The following WWOX variants were observed in gnomAD, a reference collection of about 807,000 sequenced individuals.
WWOX encodes WW domain-containing oxidoreductase.
In WWOX, 69 loss-of-function variants were observed where a neutral mutation model predicts 46.2. The ratio of observed to expected loss-of-function variants is 1.49; its 90% CI spans 1.23 to 1.82. WWOX has a LOEUF of 1.82. Ranked by LOEUF, WWOX falls within the 40% of genes most tolerant of loss-of-function variation. The pLI is 0.00. For missense variants in WWOX, 919 were observed against 542.6 expected (o/e 1.69, Z -6.89); for synonymous variants, 359 against 202.6 (o/e 1.77, Z -6.56).
At chr16:78,114,953 T>C in intron 3 of WWOX, 23 bp from the exon 4 acceptor site, 13 of 1,614,148 alleles carry the variant, frequency 8.1e-6, no homozygotes, top group Non-Finnish European at 1.1e-5. Context: ...TGCTGTGGGT[T>C]CACTGCTTTC....
chr16:78,984,035 G>T (rs540480198), intron 8 of WWOX, among the ~76,000 whole-genome samples: 1 of 151,170 alleles, frequency 6.6e-6, no homozygotes, highest in East Asian at 2.0e-4. Context: ...CTGCCACCAT[G>T]CCCGGCTATT....
chr16:79,126,394 G>T (rs2049755247), intron 8 of WWOX, among the ~76,000 whole-genome samples: 1 of 152,172 alleles, frequency 6.6e-6, no homozygotes, highest in Admixed American at 6.5e-5. Flanking sequence ...CCAGGTGGAG[G>T]TAATTTGATC....
chr16:78,856,134 G>T (rs569022237), intron 8 of WWOX, among the ~76,000 whole-genome samples: 1 of 152,208 alleles, frequency 6.6e-6, no homozygotes, highest in African/African-American at 2.4e-5. Context: ...AAGGAGTTCA[G>T]GGTTGAAAAG....
intron 8 of WWOX, among the ~76,000 whole-genome samples, chr16:78,878,270 A>G (rs545049119): frequency 6.6e-6 from 1 of 152,280 alleles, no homozygotes; most frequent in East Asian, 1.9e-4. Context: ...CTGAGTTACA[A>G]TAAATAAAAA....
intron 8 of WWOX, among the ~76,000 whole-genome samples, chr16:78,981,199 C>G (rs761404587): frequency 6.6e-6 from 1 of 152,132 alleles, no homozygotes; most frequent in African/African-American, 2.4e-5. Flanking sequence ...GATGTCCTGG[C>G]TGTGTTAGCA....
intron 8 of WWOX, among the ~76,000 whole-genome samples, chr16:78,764,532 C>T (rs2049881644): frequency 7.0e-6 from 1 of 143,562 alleles, no homozygotes; most frequent in African/African-American, 2.6e-5. Context: ...CTGCTTTCTG[C>T]CTCTTGTGTT....
At chr16:78,406,477 T>A (rs1008038386) in intron 6 of WWOX, among the ~76,000 whole-genome samples, 3 of 142,048 alleles carry the variant, frequency 2.1e-5, no homozygotes, top group African/African-American at 7.8e-5. Context: ...CTTAGCCTCC[T>A]GAGTAGCTGG....
intron 8 of WWOX, among the ~76,000 whole-genome samples, chr16:78,795,899 C>T (rs573427494): frequency 6.6e-6 from 1 of 151,822 alleles, no homozygotes; most frequent in Non-Finnish European, 1.5e-5. Flanking sequence ...CAAGTGGAAA[C>T]AAAAGTATAA....
intron 8 of WWOX, among the ~76,000 whole-genome samples, chr16:78,878,022 C>T (rs545061286): frequency 6.6e-6 from 1 of 152,292 alleles, no homozygotes; most frequent in African/African-American, 2.4e-5. Context: ...GGTCCCTTCT[C>T]TTTGCGTCAC....
At chr16:78,411,182 C>T (rs564322148) in intron 6 of WWOX, among the ~76,000 whole-genome samples, 14 of 152,244 alleles carry the variant, frequency 9.2e-5, no homozygotes, top group African/African-American at 3.1e-4. Context: ...GAGGGGATTA[C>T]ACAAAAGTAT....
intron 8 of WWOX, among the ~76,000 whole-genome samples, chr16:78,951,407 C>T (rs901894990): frequency 6.6e-6 from 1 of 152,130 alleles, no homozygotes; most frequent in Non-Finnish European, 1.5e-5. Context: ...ATCATTGAGC[C>T]AATCACCGTC....
intron 8 of WWOX, among the ~76,000 whole-genome samples, chr16:78,490,152 T>C (rs1453599979): frequency 1.4e-5 from 2 of 146,334 alleles, no homozygotes; most frequent in African/African-American, 5.2e-5. Context: ...TTTTTTTTGG[T>C]TGTGGTGGCG....
intron 8 of WWOX, among the ~76,000 whole-genome samples, chr16:78,819,529 G>A (rs974876257): frequency 5.9e-5 from 9 of 152,234 alleles, no homozygotes; most frequent in Non-Finnish European, 1.0e-4. Context: ...AAAAATGGGT[G>A]TAAATGTGAT....
chr16:79,190,733 A>G (rs1273747042), intron 8 of WWOX, among the ~76,000 whole-genome samples: 1 of 151,944 alleles, frequency 6.6e-6, no homozygotes, highest in African/African-American at 2.4e-5. Flanking sequence ...GTTTTTGTAA[A>G]TAAAGTTTTA....
At chr16:79,115,325 C>T (rs1372509555) in intron 8 of WWOX, among the ~76,000 whole-genome samples, 1 of 152,160 alleles carries the variant, frequency 6.6e-6, no homozygotes, top group African/African-American at 2.4e-5. Flanking sequence ...TCATCTCATT[C>T]CAACAAGAAT....
Position 78,521,085 on chromosome 16 carries a change from T to A in WWOX, c.1056+88333T>A, listed in dbSNP as rs559955626. On this transcript the variant is annotated intron_variant, in intron 8 of 8. Coordinates refer to ENST00000566780, the MANE Select transcript of WWOX (RefSeq NM_016373.4). ...TAGAATTGAGTTGATTCTGTTTAAC[T>A]GCCCAGTGAAGAAATGACTTCCTTG... Among the ~76,000 whole-genome samples, 3 of 152,320 alleles carry A rather than the reference T, an allele frequency of 2.0e-5. No individual in the cohort carries two copies. In the East Asian group the frequency reaches 5.8e-4, roughly 29 times the overall value.
chr16:79,076,593 C>T (rs1042659293), intron 8 of WWOX, among the ~76,000 whole-genome samples: 1 of 152,184 alleles, frequency 6.6e-6, no homozygotes, highest in South Asian at 2.1e-4. Context: ...ATCCAGGCCC[C>T]TTCATGACCC....
At chr16:78,363,283 CT>C (rs367968439) in intron 5 of WWOX, among the ~76,000 whole-genome samples, 59 of 144,876 alleles carry the variant, frequency 4.1e-4, no homozygotes, top group Admixed American at 8.3e-4. Flanking sequence ...TTTTTGAGGG[CT>C]TTTTTTTTTG....
chr16:79,120,976 C>T (rs1426361230), intron 8 of WWOX, among the ~76,000 whole-genome samples: 1 of 152,186 alleles, frequency 6.6e-6, no homozygotes, highest in Admixed American at 6.5e-5. Context: ...ACCATGTTGG[C>T]CAGGCTGGTT....
Sources: gnomAD v4.1 joint callset for allele counts (sites outside exome capture counted in the v4.1 genomes callset) on GRCh38, gnomAD v4.1.1 for gene constraint, MANE v1.5 for transcripts, NCBI Gene and HGNC (gene_info 2026-07-23, HGNC 2026-07-21) for gene names.